Variants in SH3RF1 observed in about 807,000 individuals in gnomAD.
SH3RF1 encodes E3 ubiquitin-protein ligase SH3RF1.
A neutral mutation model predicts 74.0 loss-of-function variants in SH3RF1; 32 were observed. The observed-to-expected ratio is 0.43, with a 90% CI of 0.33 to 0.58. SH3RF1 has a LOEUF of 0.58. Ranked by LOEUF, SH3RF1 falls within the 20% of genes least tolerant of loss-of-function variation. SH3RF1 has a pLI of 0.05. For synonymous variants in SH3RF1, 396 were observed against 439.6 expected (o/e 0.90, Z 1.24); for missense variants, 954 against 1,130.9 (o/e 0.84, Z 2.24).
intron 2 of SH3RF1, among the ~76,000 whole-genome samples, chr4:169,185,915 A>G (rs977689987): frequency 3.3e-5 from 5 of 152,102 alleles, no homozygotes; most frequent in Non-Finnish European, 7.4e-5. Context: ...AAGACTAGAG[A>G]CCAGAAAAGT....
intron 2 of SH3RF1, among the ~76,000 whole-genome samples, chr4:169,240,856 T>C (rs1172555683): frequency 1.3e-5 from 2 of 152,202 alleles, no homozygotes; most frequent in Non-Finnish European, 2.9e-5. Flanking sequence ...GATCCATGTA[T>C]TCACCAGACC....
intron 2 of SH3RF1, among the ~76,000 whole-genome samples, chr4:169,162,249 T>C (rs1202460616): frequency 6.6e-6 from 1 of 152,234 alleles, no homozygotes. Context: ...CAAGATATAA[T>C]AACAGTATTT....
chr4:169,197,221 T>A (rs1294771526), intron 2 of SH3RF1, among the ~76,000 whole-genome samples: 2 of 152,076 alleles, frequency 1.3e-5, no homozygotes, highest in East Asian at 3.9e-4. Flanking sequence ...AGTCCGCTCT[T>A]GAGCTCCTGA....
At chr4:169,195,929 A>G (rs1006667520) in intron 2 of SH3RF1, among the ~76,000 whole-genome samples, 1 of 151,896 alleles carries the variant, frequency 6.6e-6, no homozygotes, top group Non-Finnish European at 1.5e-5. Flanking sequence ...GCTCACTGCA[A>G]CCTCCACCTC....
intron 2 of SH3RF1, among the ~76,000 whole-genome samples, chr4:169,197,790 T>C (rs551347842): frequency 2.6e-5 from 4 of 152,294 alleles, no homozygotes; most frequent in African/African-American, 9.6e-5. Flanking sequence ...CTACAACTAA[T>C]AAATGATGAA....
intron 10 of SH3RF1, among the ~76,000 whole-genome samples, chr4:169,111,377 C>T (rs1177745920): frequency 1.3e-5 from 2 of 150,760 alleles, no homozygotes; most frequent in Non-Finnish European, 3.0e-5. Flanking sequence ...ACCTCAGCCT[C>T]CCAAGTAGCT....
At chr4:169,123,081 C>T (rs1733467547) in intron 6 of SH3RF1, among the ~76,000 whole-genome samples, 1 of 152,148 alleles carries the variant, frequency 6.6e-6, no homozygotes, top group Non-Finnish European at 1.5e-5. Context: ...TCGTCCTCTC[C>T]AGATCTTTGA....
chr4:169,224,466 C>T (rs910641462), intron 2 of SH3RF1, among the ~76,000 whole-genome samples: 28 of 152,108 alleles, frequency 1.8e-4, no homozygotes, highest in Non-Finnish European at 3.4e-4. Context: ...TACAGGCTCG[C>T]GCCACCATGC....
At chr4:169,232,053 G>A (rs1420212856) in intron 2 of SH3RF1, among the ~76,000 whole-genome samples, 4 of 152,230 alleles carry the variant, frequency 2.6e-5, no homozygotes, top group African/African-American at 4.8e-5. Context: ...TAGGTAGACA[G>A]GTACTGCAGG....
intron 2 of SH3RF1, among the ~76,000 whole-genome samples, chr4:169,262,539 C>T (rs534873679): frequency 1.4e-4 from 22 of 152,028 alleles, no homozygotes; most frequent in Admixed American, 3.9e-4. Flanking sequence ...TGGCGGTAGG[C>T]GCCTGTAATC....
chr4:169,234,836 T>G (rs889961494), intron 2 of SH3RF1, among the ~76,000 whole-genome samples: 3 of 152,166 alleles, frequency 2.0e-5, no homozygotes, highest in African/African-American at 4.8e-5. Context: ...GCCTGATAGT[T>G]GTTTGTTGGG....
chr4:169,131,054 A>T (rs1733610742), intron 5 of SH3RF1, among the ~76,000 whole-genome samples: 1 of 152,204 alleles, frequency 6.6e-6, no homozygotes, highest in Non-Finnish European at 1.5e-5. Context: ...GTAATCCCAA[A>T]CATAGTTTTC....
chr4:169,263,330 T>A (rs149991659), intron 2 of SH3RF1, among the ~76,000 whole-genome samples: 182 of 152,346 alleles, frequency 1.2e-3, no homozygotes, highest in Middle Eastern at 3.4e-3. Context: ...TGCTTCACTA[T>A]CTGCTGCCTT....
chr4:169,217,379 C>T (rs1198292821), intron 2 of SH3RF1: 1 of 152,062 alleles, frequency 6.6e-6, no homozygotes, highest in African/African-American at 2.4e-5. Flanking sequence ...CACTGGGCAA[C>T]AGAGAACTGG....
At chr4:169,131,656 A>C (rs971588200) in intron 5 of SH3RF1, among the ~76,000 whole-genome samples, 2 of 152,258 alleles carry the variant, frequency 1.3e-5, no homozygotes, top group African/African-American at 4.8e-5. Context: ...TCCACGCCTA[A>C]GTAACAAATG....
chr4:169,172,020 A>G (rs559182989), intron 2 of SH3RF1, among the ~76,000 whole-genome samples: 2 of 152,366 alleles, frequency 1.3e-5, no homozygotes, highest in East Asian at 3.9e-4. Flanking sequence ...AGAATGTTAT[A>G]AACTCTGACA....
intron 5 of SH3RF1, among the ~76,000 whole-genome samples, chr4:169,130,666 C>A (rs912554324): frequency 1.1e-4 from 16 of 152,308 alleles, no homozygotes; most frequent in African/African-American, 3.4e-4. Flanking sequence ...AATTAAAATG[C>A]AGCTGCCTAG....
chr4:169,132,766 C>T (rs1423938341), intron 5 of SH3RF1, among the ~76,000 whole-genome samples: 1 of 152,138 alleles, frequency 6.6e-6, no homozygotes, highest in Non-Finnish European at 1.5e-5. Flanking sequence ...GCCATAGAAA[C>T]ACTGAATATT....
rs1329873584 is a variant in SH3RF1, at chr4:169,096,171, C to A, written c.*348G>T. On this transcript the variant is annotated 3_prime_UTR_variant, in exon 12 of 12. Transcript: ENST00000284637. ...TAAAATCATAATCCAAAGAACGTAT[C>A]TATTATACGAAAAGTTCAAGTTTAA... 1 of 188,230 alleles carries A rather than the reference C, an allele frequency of 5.3e-6. No individual in the cohort carries two copies. Among genetic ancestry groups the A allele is most frequent in the Non-Finnish European group, 1.1e-5 (1 of 92,660 alleles). 11.7% of individuals were successfully genotyped at this position (188,230 alleles called of 1,614,324 possible).
Sources: allele counts gnomAD v4.1 joint callset (sites outside exome capture counted in the v4.1 genomes callset), GRCh38; gene constraint gnomAD v4.1.1; transcripts MANE v1.5; gene names NCBI Gene and HGNC (gene_info 2026-07-23, HGNC 2026-07-21).